Variants in KIF1A observed in about 807,000 individuals in gnomAD.
KIF1A encodes kinesin family member 1A.
In KIF1A, 46 loss-of-function variants were observed where a neutral mutation model predicts 227.3. The ratio of observed to expected loss-of-function variants is 0.20; its 90% CI spans 0.16 to 0.26. The LOEUF (loss-of-function observed/expected upper bound fraction) is 0.26, where lower values mean the gene tolerates loss of function less well. Ranked by LOEUF, KIF1A falls within the 10% of genes least tolerant of loss-of-function variation. KIF1A has a pLI of 1.00. For missense variants in KIF1A, 1,683 were observed against 2,485.9 expected, an observed-to-expected ratio of 0.68 and a Z score of 6.87; for synonymous variants, 1,022 against 1,012.8, an observed-to-expected ratio of 1.01 and a Z score of -0.17.
In KIF1A at chr2:240,793,616, T is replaced by C. The variant is rs1462757132; in HGVS notation, c.106+4031A>G. The stretch of plus-strand genomic sequence containing the variant: ...TGCCCCCAGGCCAACCTACACTAGC[T>C]CTGCCAGGTCGGACCGAAGTGCACC... On this transcript the variant is annotated intron_variant, in intron 2 of 48. Coordinates refer to ENST00000498729, the MANE Select transcript of KIF1A (RefSeq NM_001244008.2). The surrounding 1 kb of genome is among the most constrained non-coding windows in gnomAD (Gnocchi z 4.8). Among the ~76,000 whole-genome samples the C allele has an allele frequency of 6.6e-6, 1 of 152,174 alleles. No homozygotes were observed. The highest frequency in any genetic ancestry group is 1.5e-5 in the Non-Finnish European group (1 of 68,032).
At chr2:240,731,110 A>G (rs970298513) in intron 38 of KIF1A, among the ~76,000 whole-genome samples, 1 of 152,198 alleles carries the variant, frequency 6.6e-6, no homozygotes, top group African/African-American at 2.4e-5. Flanking sequence ...TCTGCAGTAG[A>G]TCCACACAGA....
At position 240,742,981 on chromosome 2, in the gene KIF1A, G is replaced by C. The variant is rs780416425; in HGVS notation, c.3588C>G (p.Pro1196=). The change falls in exon 34 of 49, where the codon CCC becomes CCG. Residue 1196 remains proline (P), a synonymous_variant. Transcript: ENST00000498729. ...FPPLCKDVLS[P]LRPSRRHFPR... The stretch of plus-strand genomic sequence containing the variant: ...GGAAGTGGCGGCGCGAGGGCCTCAG[G>C]GGGCTGTGGAGAAAGGACCAGTGTG... 2 of 1,609,496 alleles carry C rather than the reference G, an allele frequency of 1.2e-6. No individual in the cohort carries two copies. The highest frequency in any genetic ancestry group is 1.7e-6 in the Non-Finnish European group (2 of 1,177,632).
At chr2:240,797,408 G>A (rs1003607949) in intron 2 of KIF1A, among the ~76,000 whole-genome samples, 10 of 152,178 alleles carry the variant, frequency 6.6e-5, no homozygotes, top group Non-Finnish European at 1.3e-4. Context: ...AGGCCCTGCT[G>A]GCACCTTGAC....
In KIF1A at chr2:240,789,783, G is replaced by A. The variant is rs571771972; in HGVS notation, c.107-471C>T. 2.6e-5 allele frequency among the ~76,000 whole-genome samples: 4 copies of A among 152,100 alleles called. No individual in the cohort carries two copies. Among genetic ancestry groups the A allele is most frequent in the South Asian group, 4.1e-4 (2 of 4,826 alleles). ...CATCACGTTTGTGTTACGCCTGTGC[G>A]GTTCTTCTAGGCTTGCTACTCCAGA... On this transcript the variant is annotated intron_variant, in intron 2 of 48. Transcript: ENST00000498729. This position sits in a 1 kb window ranked among gnomAD's most constrained non-coding sequence, Gnocchi z 4.8.
In KIF1A at chr2:240,746,096, C is replaced by A; in HGVS notation, c.3145G>T (p.Gly1049Cys). Residue 1049 changes from glycine to cysteine, a missense_variant, in exon 30 of 49, where the codon GGC becomes TGC. Physicochemically the swap from Gly to Cys is radical, Grantham distance 159. This residue lies in a region of KIF1A where 759 missense variants were observed against 1,020.2 expected (regional missense o/e 0.74). Coordinates refer to ENST00000498729, the MANE Select transcript of KIF1A (RefSeq NM_001244008.2). ...GAGGGCCCCACGTCTGCACCCTGGC[C>A]CTGGCCCTCCACGATGCGAAGCTCT... Reference protein sequence around the residue: ...QEELRIVEGQGQGADVGPSAD... With the variant: ...QEELRIVEGQCQGADVGPSAD... 2 of 1,591,312 alleles carry A rather than the reference C, an allele frequency of 1.3e-6. No individual in the cohort carries two copies. The highest frequency in any genetic ancestry group is 1.7e-6 in the Non-Finnish European group (2 of 1,169,526).
chr2:240,812,906 G>GCCTTCACCTCGGGGATCCA (rs2058014151), intron 1 of KIF1A, among the ~76,000 whole-genome samples: 16 of 143,106 alleles, frequency 1.1e-4, no homozygotes, highest in Non-Finnish European at 2.0e-4. Flanking sequence ...TCGGGGATCC[G>GCCTTCACCTCGGGGATCCA]CCTTCACCTC....
chr2:240,745,894 C>A lies in KIF1A; in HGVS notation c.3218G>T (p.Gly1073Val). 1 of 1,604,218 alleles carries A rather than the reference C, an allele frequency of 6.2e-7. No individual in the cohort carries two copies. Among genetic ancestry groups the A allele is most frequent in the Non-Finnish European group, 8.5e-7 (1 of 1,173,880 alleles). Reference protein sequence around the residue: ...NNTCSAVPPEGLLLDSSEKAA... With the variant: ...NNTCSAVPPEVLLLDSSEKAA... ...TTTCTCAGAGCTGTCTAGGAGGAGG[C>A]CTTCTGGGGGCACTGCTGCTGGGAG... Residue 1073 changes from glycine (G) to valine (V), a missense_variant, in exon 31 of 49, where the codon GGC becomes GTC. Gly to Val is a moderately radical substitution (Grantham distance 109, BLOSUM62 -3). Around this residue, in one of 12 missense-constraint regions of KIF1A, gnomAD observed 759 missense variants for 1,020.2 expected, o/e 0.74. Transcript: ENST00000498729.
At chr2:240,744,950 G>C (rs1467679064) in intron 32 of KIF1A, among the ~76,000 whole-genome samples, 14 of 152,138 alleles carry the variant, frequency 9.2e-5, no homozygotes, top group Admixed American at 9.2e-4. Context: ...TGGAGAAGGA[G>C]CTGCTCCGCC....
Position 240,789,646 on chromosome 2 carries a change from C to T in KIF1A, c.107-334G>A, listed in dbSNP as rs2055402054. 1.3e-5 allele frequency among the ~76,000 whole-genome samples: 2 copies of T among 152,238 alleles called. No homozygotes were observed. The highest frequency in any genetic ancestry group is 4.8e-5 in the African/African-American group (2 of 41,470). On this transcript the variant is annotated intron_variant, in intron 2 of 48. Coordinates refer to ENST00000498729, the MANE Select transcript of KIF1A (RefSeq NM_001244008.2). This position sits in a 1 kb window ranked among gnomAD's most constrained non-coding sequence, Gnocchi z 4.8. ...CACCTGCAAGCTGCGGCCCCTCCAT[C>T]TCTGGTGTCCACCTTGGGCTCACAG...
Position 240,740,326 on chromosome 2 carries a change from G to A in KIF1A, c.3788C>T (p.Pro1263Leu). 1 of 1,613,738 alleles carries A rather than the reference G, an allele frequency of 6.2e-7. No individual in the cohort carries two copies. Among genetic ancestry groups the A allele is most frequent in the Non-Finnish European group, 8.5e-7 (1 of 1,179,792 alleles). ...GTGGAGGAGGAAGGTCCCCATGCAT[G>A]GCATGCCCCCACGGTGGTCCACCAC... ...PAVVDHRGGM[P>L]CMGTFLLHQG... Residue 1263 changes from proline (P) to leucine (L), a missense_variant, in exon 36 of 49, where the codon CCA becomes CTA. Coordinates refer to ENST00000498729, the MANE Select transcript of KIF1A (RefSeq NM_001244008.2). The surrounding 1 kb of genome is among the most constrained non-coding windows in gnomAD (Gnocchi z 6.1).
chr2:240,817,907 G>A (rs78110255), intron 1 of KIF1A, among the ~76,000 whole-genome samples: 10,185 of 152,286 alleles, frequency 0.067, 556 homozygotes, highest in African/African-American at 0.14. Context: ...CTGGGCGGCC[G>A]GGCAGTGACC....
intron 6 of KIF1A, among the ~76,000 whole-genome samples, chr2:240,785,796 G>A (rs772352725): frequency 9.9e-5 from 15 of 152,174 alleles, no homozygotes; most frequent in Non-Finnish European, 2.1e-4. Flanking sequence ...TGTGACTCAC[G>A]ACCTCAGGAG....
At chr2:240,813,524 C>G (rs1055870734) in intron 1 of KIF1A, among the ~76,000 whole-genome samples, 21 of 152,204 alleles carry the variant, frequency 1.4e-4, no homozygotes, top group African/African-American at 4.6e-4. Context: ...CCCAGGTGAG[C>G]AGCTGAATGG....
Position 240,745,915 on chromosome 2 carries a change from G to A in KIF1A, c.3203-6C>T, listed in dbSNP as rs1344356609. On this transcript the variant is annotated splice_region_variant and splice_polypyrimidine_tract_variant and intron_variant, in intron 30 of 48. Coordinates refer to ENST00000498729, the MANE Select transcript of KIF1A (RefSeq NM_001244008.2). ...GAGGCCTTCTGGGGGCACTGCTGCT[G>A]GGAGTCAAGGAGAGAGTCATGGACC... The A allele has an allele frequency of 3.1e-6, 5 of 1,599,376 alleles. No individual in the cohort carries two copies. The highest frequency in any genetic ancestry group is 1.7e-5 in the Admixed American group (1 of 58,950).
rs2125712706 is a variant in KIF1A, at chr2:240,736,200, G to A, written c.4007+863C>T. On this transcript the variant is annotated intron_variant, in intron 38 of 48. Transcript: ENST00000498729. The surrounding 1 kb of genome is among the most constrained non-coding windows in gnomAD (Gnocchi z 4.7). ...TGACCCTGACCCTCCTTGCAGGGAG[G>A]CCCTCAAAGACGTTTTCCTACAAAC... 6.6e-6 allele frequency among the ~76,000 whole-genome samples: 1 copy of A among 152,266 alleles called. No homozygotes were observed. Among genetic ancestry groups the A allele is most frequent in the Non-Finnish European group, 1.5e-5 (1 of 68,018 alleles).
At position 240,781,598 on chromosome 2, in the gene KIF1A, G is replaced by A. The variant is rs115437225; in HGVS notation, c.882+992C>T. Among the ~76,000 whole-genome samples, 1,231 of 151,984 alleles carry A rather than the reference G, an allele frequency of 8.1e-3. 18 individuals are homozygous for A. Among genetic ancestry groups the A allele is most frequent in the African/African-American group, 0.028 (1,171 of 41,436 alleles). ...CACGCCGCCCACGCCATTCCCCAGCGTTCTCTGACAGTTCCACGCGGTTAT... is the reference window on the plus strand; with the variant it reads ...CACGCCGCCCACGCCATTCCCCAGCATTCTCTGACAGTTCCACGCGGTTAT... On this transcript the variant is annotated intron_variant, in intron 10 of 48. Coordinates refer to ENST00000498729, the MANE Select transcript of KIF1A (RefSeq NM_001244008.2).
chr2:240,819,354 C>G (rs555976845), intron 1 of KIF1A, among the ~76,000 whole-genome samples: 12 of 152,260 alleles, frequency 7.9e-5, no homozygotes, highest in African/African-American at 2.9e-4. Flanking sequence ...ACACCTGTTA[C>G]AGGGGCGCTG....
chr2:240,719,681 T>G, intron 46 of KIF1A, 93 bp downstream of exon 46: 1 of 1,346,760 alleles, frequency 7.4e-7, no homozygotes, highest in Non-Finnish European at 9.9e-7. Context: ...AGTATGAGGG[T>G]CCCTGTGCCC....
intron 10 of KIF1A, 48 bp downstream of exon 10, chr2:240,782,542 C>G (rs548488667): frequency 6.5e-7 from 1 of 1,546,052 alleles, no homozygotes; most frequent in East Asian, 2.4e-5. Context: ...GGGCAGACAC[C>G]GCCACCAGCC....
Sources: gnomAD v4.1 joint callset for allele counts (sites outside exome capture counted in the v4.1 genomes callset) on GRCh38, gnomAD v4.1.1 for gene constraint, gnomAD v4.1.1 regional missense constraint, Gnocchi (gnomAD v3.1) non-coding constraint, MANE v1.5 for transcripts, NCBI Gene and HGNC (gene_info 2026-07-23, HGNC 2026-07-21) for gene names.